ANKFN1: variants seen among roughly 807,000 people sequenced by gnomAD.
The protein encoded by ANKFN1 is ankyrin repeat and fibronectin type-III domain-containing protein 1.
A neutral mutation model predicts 108.7 loss-of-function variants in ANKFN1; 74 were observed. The observed-to-expected ratio is 0.68, with a 90% CI of 0.56 to 0.83. ANKFN1 has a LOEUF of 0.83. Ranked by LOEUF, ANKFN1 falls within the 40% of genes least tolerant of loss-of-function variation. ANKFN1 has a pLI of 0.00. For synonymous variants in ANKFN1, 547 were observed against 516.2 expected, an observed-to-expected ratio of 1.06 and a Z score of -0.81; for missense variants, 1,505 against 1,382.3, an observed-to-expected ratio of 1.09 and a Z score of -1.41.
At chr17:56,233,389 A>G (rs12947907) in intron 3 of ANKFN1, among the ~76,000 whole-genome samples, 1 of 152,096 alleles carries the variant, frequency 6.6e-6, no homozygotes, top group African/African-American at 2.4e-5. Flanking sequence ...AAAGATGACA[A>G]CAATGTACAT....
intron 18 of ANKFN1, 129 bp from the exon 19 acceptor site, chr17:56,492,058 T>G (rs1030418458): frequency 1.0e-5 from 6 of 600,006 alleles, no homozygotes. Context: ...AATTTATTTA[T>G]GGCTTAATAT....
At chr17:56,151,208 C>G (rs1405312354), upstream of ANKFN1, among the ~76,000 whole-genome samples, 1 of 152,178 alleles carries the variant, frequency 6.6e-6, no homozygotes, top group East Asian at 1.9e-4. Context: ...ACCTAACACC[C>G]TCTACCTGCT....
At chr17:56,150,532 T>C (rs182749006), upstream of ANKFN1, among the ~76,000 whole-genome samples, 69 of 152,256 alleles carry the variant, frequency 4.5e-4, no homozygotes, top group African/African-American at 1.6e-3. Context: ...GTGGTAATGG[T>C]ATTGGTTTAA....
chr17:56,386,051 G>A (rs2144845351), intron 8 of ANKFN1, among the ~76,000 whole-genome samples: 1 of 152,280 alleles, frequency 6.6e-6, no homozygotes, highest in South Asian at 2.1e-4. Flanking sequence ...ATTCACAATA[G>A]CAAAGACTTG....
intron 1 of ANKFN1, among the ~76,000 whole-genome samples, chr17:56,175,968 G>A (rs1164928244): frequency 6.6e-6 from 1 of 151,912 alleles, no homozygotes; most frequent in African/African-American, 2.4e-5. Flanking sequence ...GGAAAGGGAG[G>A]CAGGAGAGAG....
chr17:56,263,335 G>A (rs1322152109), intron 3 of ANKFN1, among the ~76,000 whole-genome samples: 1 of 152,202 alleles, frequency 6.6e-6, no homozygotes, highest in African/African-American at 2.4e-5. Context: ...AACACTATAT[G>A]GGACTAGAGA....
intron 1 of ANKFN1, among the ~76,000 whole-genome samples, chr17:56,197,884 C>A (rs114042132): frequency 2.8e-4 from 42 of 152,266 alleles, no homozygotes; most frequent in African/African-American, 1.0e-3. Flanking sequence ...GTGATATGTG[C>A]CTGTAGTTCC....
intron 1 of ANKFN1, among the ~76,000 whole-genome samples, chr17:56,172,496 G>A (rs1179304225): frequency 3.3e-5 from 5 of 152,052 alleles, no homozygotes; most frequent in African/African-American, 1.2e-4. Flanking sequence ...CAGCAAGCAG[G>A]TGACAAGCTC....
chr17:56,199,359 G>T (rs980012916), intron 1 of ANKFN1, among the ~76,000 whole-genome samples: 1 of 149,084 alleles, frequency 6.7e-6, no homozygotes, highest in Non-Finnish European at 1.5e-5. Context: ...ATTTTTTTCA[G>T]TCAATTCTTA....
At chr17:56,217,562 C>G (rs1315838990) in intron 2 of ANKFN1, among the ~76,000 whole-genome samples, 1 of 152,096 alleles carries the variant, frequency 6.6e-6, no homozygotes, top group Non-Finnish European at 1.5e-5. Context: ...TGGCATGTGG[C>G]AGATAGAGGC....
intron 4 of ANKFN1, among the ~76,000 whole-genome samples, chr17:56,106,480 C>G (rs766224033): frequency 2.6e-5 from 4 of 152,220 alleles, no homozygotes; most frequent in Non-Finnish European, 5.9e-5. Flanking sequence ...CAAAATCCCA[C>G]CTGGCTCTCA....
At chr17:56,267,773 A>T (rs994533774) in intron 3 of ANKFN1, among the ~76,000 whole-genome samples, 1 of 152,156 alleles carries the variant, frequency 6.6e-6, no homozygotes, top group Non-Finnish European at 1.5e-5. Context: ...TTGTACCAGT[A>T]TCATGCTGTG....
At chr17:56,216,747 G>T (rs1438976117) in intron 2 of ANKFN1, among the ~76,000 whole-genome samples, 1 of 152,178 alleles carries the variant, frequency 6.6e-6, no homozygotes, top group Non-Finnish European at 1.5e-5. Flanking sequence ...GTAAAGCAAA[G>T]CCTCAGGTGG....
intron 4 of ANKFN1, among the ~76,000 whole-genome samples, chr17:56,086,082 T>C (rs1238356481): frequency 1.3e-5 from 2 of 151,142 alleles, no homozygotes; most frequent in Non-Finnish European, 3.0e-5. Context: ...AAATAAAATA[T>C]AGAATTTATG....
At chr17:56,242,861 A>G (rs965628383) in intron 3 of ANKFN1, among the ~76,000 whole-genome samples, 10 of 152,034 alleles carry the variant, frequency 6.6e-5, no homozygotes, top group African/African-American at 2.4e-4. Flanking sequence ...GTTTACTAGG[A>G]TTTTTTTAAA....
At chr17:56,479,689 C>G (rs1209269808) in intron 16 of ANKFN1, among the ~76,000 whole-genome samples, 2 of 152,188 alleles carry the variant, frequency 1.3e-5, no homozygotes, top group Non-Finnish European at 2.9e-5. Context: ...AGATTGGAGC[C>G]CAGCCTGGTA....
intron 4 of ANKFN1, among the ~76,000 whole-genome samples, chr17:56,140,880 T>G (rs1197578102): frequency 1.1e-4 from 16 of 152,196 alleles, no homozygotes; most frequent in Admixed American, 1.0e-3. Context: ...ATGTTGTCGC[T>G]TACACTCCCA....
chr17:56,320,039 A>G lies in ANKFN1; in HGVS notation c.54-6182A>G, dbSNP rs562647375. Among the ~76,000 whole-genome samples the G allele has an allele frequency of 1.2e-4, 18 of 152,326 alleles. No homozygotes were observed. In the East Asian group the frequency reaches 3.5e-3, roughly 29 times the overall value. On this transcript the variant is annotated intron_variant, in intron 3 of 20. Coordinates refer to ENST00000682825, the MANE Select transcript of ANKFN1 (RefSeq NM_001370326.1). ...CTCAGCTCAGTCCCTAAATGCACATAAACAAGCTGATTAATCTCTCTGAAC... is the reference window on the plus strand; with the variant it reads ...CTCAGCTCAGTCCCTAAATGCACATGAACAAGCTGATTAATCTCTCTGAAC...
chr17:56,204,827 G>A (rs570827503), intron 1 of ANKFN1, among the ~76,000 whole-genome samples: 2 of 152,206 alleles, frequency 1.3e-5, no homozygotes, highest in South Asian at 4.1e-4. Context: ...CGTAATCCCA[G>A]CACTTTGTGA....
Sources: allele counts gnomAD v4.1 joint callset (sites outside exome capture counted in the v4.1 genomes callset), GRCh38; gene constraint gnomAD v4.1.1; transcripts MANE v1.5; gene names NCBI Gene and HGNC (gene_info 2026-07-23, HGNC 2026-07-21).